Variants in PRAMEF19 observed in about 807,000 individuals in gnomAD.
PRAMEF19 encodes the protein PRAME family member 19.
PRAMEF19 carries 21 observed loss-of-function variants against 33.1 expected under a neutral mutation model. That is an observed-to-expected ratio of 0.63 (90% CI 0.45 to 0.91). PRAMEF19 has a LOEUF of 0.91. PRAMEF19 is among the 40% of genes least tolerant of loss of function. The pLI is 0.00. For missense variants in PRAMEF19, 481 were observed against 585.2 expected (o/e 0.82, Z 1.84); for synonymous variants, 179 against 229.3 (o/e 0.78, Z 1.98).
chr1:13,369,125 C>T (rs1640635482), exon 3 of PRAMEF19: 19 of 1,611,972 alleles, frequency 1.2e-5, no homozygotes, highest in Non-Finnish European at 1.5e-5. Context: ...GGGTGACATG[C>T]CACAGCAAGG....
Position 13,369,127 on chromosome 1 carries a change from A to T in PRAMEF19, c.1380T>A (p.Cys460Ter). The T allele has an allele frequency of 1.2e-6, 2 of 1,611,980 alleles. No individual in the cohort carries two copies. Among genetic ancestry groups the T allele is most frequent in the Non-Finnish European group, 1.7e-6 (2 of 1,179,866 alleles). The change falls in exon 3 of 3, where the codon TGT becomes TGA. Residue 460 changes from cysteine (C) to a stop codon, truncating the protein, a stop_gained. Coordinates refer to ENST00000376101, the Ensembl canonical transcript of PRAMEF19. LOFTEE classifies it low-confidence loss of function (END_TRUNC). Reference sequence around the variant, plus strand: ...CCAGTTGCTCAGTGGGTGACATGCCACAGCAAGGGCAGGAGACGGGACCAA... The same window carrying T: ...CCAGTTGCTCAGTGGGTGACATGCCTCAGCAAGGGCAGGAGACGGGACCAA...
chr1:13,371,662 T>C (rs1445604316), exon 1 of PRAMEF19: 1 of 1,610,386 alleles, frequency 6.2e-7, no homozygotes, highest in Non-Finnish European at 8.5e-7. Flanking sequence ...ATCCACTACA[T>C]AATGTAAGAT....
In PRAMEF19 at chr1:13,370,635, C is replaced by T; in HGVS notation, c.866+14G>A. ...TGCTGTGTCCCCCAGAGAAAGCTCA[C>T]CATCTTTCCTCACCTGATCAGCTGG... On this transcript the variant is annotated intron_variant, in intron 2 of 2. Coordinates refer to ENST00000376101, the Ensembl canonical transcript of PRAMEF19. 6.2e-7 allele frequency: 1 copy of T among 1,613,676 alleles called. No homozygotes were observed. The highest frequency in any genetic ancestry group is 8.5e-7 in the Non-Finnish European group (1 of 1,179,768).
exon 2 of PRAMEF19, chr1:13,371,021 C>T: frequency 6.2e-7 from 1 of 1,612,046 alleles, no homozygotes; most frequent in Non-Finnish European, 8.5e-7. Context: ...AGAGAAGAAG[C>T]TCAGATCTTC....
At chr1:13,371,916 A>C, upstream of PRAMEF19, 1 of 1,611,774 alleles carries the variant, frequency 6.2e-7, no homozygotes, top group Non-Finnish European at 8.5e-7. Flanking sequence ...TAAATCTGCA[A>C]GAAAAATCCA....
At chr1:13,369,048 T>A, downstream of PRAMEF19, 13 of 1,611,984 alleles carry the variant, frequency 8.1e-6, no homozygotes, top group Non-Finnish European at 1.0e-5. Context: ...GAGAAAAAGC[T>A]TTTTATACCT....
exon 2 of PRAMEF19, chr1:13,370,840 G>A (rs1640662683): frequency 6.2e-7 from 1 of 1,613,804 alleles, no homozygotes; most frequent in Non-Finnish European, 8.5e-7. Flanking sequence ...TCAGGTAACG[G>A]CTAACCTCTG....
chr1:13,368,755 TTG>T (rs1396752583), downstream of PRAMEF19, among the ~76,000 whole-genome samples: 5 of 152,100 alleles, frequency 3.3e-5, no homozygotes, highest in Non-Finnish European at 5.9e-5. Context: ...CTGGGTTTTT[TTG>T]TGTTTTTTTT....
At chr1:13,370,591 C>G in intron 2 of PRAMEF19, 58 bp downstream of exon 2, 1 of 1,607,592 alleles carries the variant, frequency 6.2e-7, no homozygotes, top group Non-Finnish European at 8.5e-7. Flanking sequence ...CTAGTGTTTA[C>G]TGTAACAAAA....
downstream of PRAMEF19, among the ~76,000 whole-genome samples, chr1:13,368,886 G>A (rs1299712283): frequency 2.0e-5 from 3 of 152,228 alleles, no homozygotes; most frequent in East Asian, 3.9e-4. Flanking sequence ...GGCCAAGCAG[G>A]GGGCTCCCTT....
exon 3 of PRAMEF19, chr1:13,369,558 G>C: frequency 1.9e-6 from 3 of 1,613,906 alleles, no homozygotes; most frequent in Non-Finnish European, 2.5e-6. Context: ...CTGAGACTTG[G>C]GTACCAGGGC....
chr1:13,370,999 C>T lies in PRAMEF19; in HGVS notation c.516G>A (p.Gln172=). ...ACAGGTGTACTGAACGTCTTCTGTG[C>T]TGCACCCACCCAGAGAAGAAGCTCA... Residue 172 remains glutamine, a synonymous_variant, in exon 2 of 3, where the codon CAG becomes CAA. Coordinates refer to ENST00000376101, the Ensembl canonical transcript of PRAMEF19. 3 of 1,612,058 alleles carry T rather than the reference C, an allele frequency of 1.9e-6. No individual in the cohort carries two copies. The South Asian group carries it at 3.3e-5, about 18-fold the overall frequency.
downstream of PRAMEF19, among the ~76,000 whole-genome samples, chr1:13,368,847 C>T (rs1430060382): frequency 6.6e-6 from 1 of 152,122 alleles, no homozygotes; most frequent in East Asian, 1.9e-4. Flanking sequence ...GGCACAGCTG[C>T]TTATGCCTGT....
At chr1:13,370,653 T>C in exon 2 of PRAMEF19, 1 of 1,613,934 alleles carries the variant, frequency 6.2e-7, no homozygotes, top group Non-Finnish European at 8.5e-7. Context: ...CCTCACCTGA[T>C]CAGCTGGTCC....
intron 2 of PRAMEF19, 99 bp downstream of exon 2, chr1:13,370,550 T>A (rs1640657271): frequency 6.7e-7 from 1 of 1,489,166 alleles, no homozygotes; most frequent in Non-Finnish European, 9.3e-7. Context: ...TCCCTGGACA[T>A]CTCCAGTGGC....
At chr1:13,370,975 C>G in exon 2 of PRAMEF19, 1 of 1,612,374 alleles carries the variant, frequency 6.2e-7, no homozygotes, top group Non-Finnish European at 8.5e-7. Context: ...TAGTACAGCA[C>G]AGGTGTACTG....
At chr1:13,369,056 C>A (rs1394457214), downstream of PRAMEF19, 37 of 1,611,928 alleles carry the variant, frequency 2.3e-5, no homozygotes, top group African/African-American at 2.3e-4. Flanking sequence ...GCTTTTTATA[C>A]CTCCACCCCA....
intron 2 of PRAMEF19, 31 bp from the exon 3 acceptor site, chr1:13,369,671 A>AT (rs1191393655): frequency 3.1e-6 from 5 of 1,613,210 alleles, no homozygotes; most frequent in Non-Finnish European, 4.2e-6. Flanking sequence ...GTACTGGGCA[A>AT]TGGCACCAGT....
At chr1:13,370,599 A>C (rs1640657787) in intron 2 of PRAMEF19, 50 bp downstream of exon 2, 1 of 1,611,340 alleles carries the variant, frequency 6.2e-7, no homozygotes, top group Admixed American at 1.7e-5. Flanking sequence ...TACTGTAACA[A>C]AAAAAGGCTG....
Sources: allele counts gnomAD v4.1 joint callset (sites outside exome capture counted in the v4.1 genomes callset), GRCh38; gene constraint gnomAD v4.1.1; transcripts MANE v1.5; gene names NCBI Gene and HGNC (gene_info 2026-07-23, HGNC 2026-07-21).